Variants in WRN observed in about 807,000 individuals in gnomAD.
WRN encodes the protein bifunctional 3'-5' exonuclease/ATP-dependent helicase WRN.
In WRN, 149 loss-of-function variants were observed where a neutral mutation model predicts 180.7. The observed-to-expected ratio is 0.82, with a 90% confidence interval of 0.72 to 0.94. WRN has a LOEUF of 0.94. Ranked by LOEUF, WRN falls within the 40% of genes least tolerant of loss-of-function variation. The pLI is 0.00. For missense variants in WRN, 1,661 were observed against 1,700.1 expected, an observed-to-expected ratio of 0.98 and a Z score of 0.40; for synonymous variants, 548 against 568.9, an observed-to-expected ratio of 0.96 and a Z score of 0.52.
intron 17 of WRN, among the ~76,000 whole-genome samples, chr8:31,097,770 C>T (rs1814051344): frequency 6.6e-6 from 1 of 151,880 alleles, no homozygotes; most frequent in Non-Finnish European, 1.5e-5. Flanking sequence ...CAGAGCGAGA[C>T]CATGCCTCAA....
rs570183509 is a variant in WRN at position 31,047,227 on chromosome 8, C to T, written c.-76-11145C>T. On this transcript the variant is annotated intron_variant, in intron 1 of 34. Coordinates refer to ENST00000298139, the MANE Select transcript of WRN (RefSeq NM_000553.6). ...GCAAGATCGTGGCTCACTGCAACCT[C>T]GAATCCCTGGGCTCAAGCGATCCTC... 2.2e-3 allele frequency among the ~76,000 whole-genome samples: 328 copies of T among 151,108 alleles called. 1 individual carries two copies. Among genetic ancestry groups the T allele is most frequent in the African/African-American group, 7.7e-3 (316 of 41,060 alleles).
chr8:31,036,777 T>A (rs1224148724), intron 1 of WRN, among the ~76,000 whole-genome samples: 1 of 152,232 alleles, frequency 6.6e-6, no homozygotes, highest in Admixed American at 6.5e-5. Context: ...ATTAGATGTA[T>A]AGTTTGCAAA....
chr8:31,040,766 G>C (rs772760238), intron 1 of WRN, among the ~76,000 whole-genome samples: 6 of 152,190 alleles, frequency 3.9e-5, no homozygotes, highest in East Asian at 3.8e-4. Flanking sequence ...TGACTCGTTT[G>C]AGTAGTTTTC....
Position 31,096,779 on chromosome 8 carries a change from G to A in WRN, c.1910G>A (p.Arg637Gln), listed in dbSNP as rs1287408422. 12 of 1,608,048 alleles carry A rather than the reference G, an allele frequency of 7.5e-6. No homozygotes were observed. The Admixed American group carries it at 1.3e-4, about 18-fold the overall frequency. The change falls in exon 17 of 35, where the codon CGG becomes CAG. Residue 637 changes from arginine to glutamine, a missense_variant. Coordinates refer to ENST00000298139, the MANE Select transcript of WRN (RefSeq NM_000553.6). ...VLTDIKLGKY[R>Q]IVYVTPEYCS... Reference sequence around the variant, plus strand: ...GTTTGTTTTTACAGAGGTAAATACCGGATTGTATACGTAACTCCAGAATAC... The same window carrying A: ...GTTTGTTTTTACAGAGGTAAATACCAGATTGTATACGTAACTCCAGAATAC...
chr8:31,094,627 G>A (rs577723225), intron 16 of WRN, among the ~76,000 whole-genome samples: 31 of 152,208 alleles, frequency 2.0e-4, no homozygotes, highest in African/African-American at 7.5e-4. Flanking sequence ...GATTACAGGC[G>A]TGAGCCACTC....
chr8:31,049,227 A>G (rs1811992497), intron 1 of WRN, among the ~76,000 whole-genome samples: 1 of 149,972 alleles, frequency 6.7e-6, no homozygotes, highest in South Asian at 2.1e-4. Flanking sequence ...AAAAAAAAAA[A>G]AAAAAAAAAA....
chr8:31,152,051 A>G (rs1391817914), intron 31 of WRN, among the ~76,000 whole-genome samples: 2 of 152,170 alleles, frequency 1.3e-5, no homozygotes, highest in Non-Finnish European at 2.9e-5. Flanking sequence ...GAGAATTTTG[A>G]GAATTTCTGG....
Position 31,114,697 on chromosome 8 carries a change from TTTG to T in WRN, c.2274-1648_2274-1646del, listed in dbSNP as rs746800581. 9.2e-5 allele frequency among the ~76,000 whole-genome samples: 14 copies of T among 152,262 alleles called. No individual in the cohort carries two copies. In the East Asian group the frequency reaches 2.1e-3, roughly 23 times the overall value. On this transcript the variant is annotated intron_variant, in intron 19 of 34. Coordinates refer to ENST00000298139, the MANE Select transcript of WRN (RefSeq NM_000553.6). ...CTGTGCAGATATATAGTTGCAGTTT[TTTG>T]TTGTTGTTAAGTTGATACAGAAATA...
At chr8:31,053,672 G>C (rs893496303) in intron 1 of WRN, among the ~76,000 whole-genome samples, 6 of 152,222 alleles carry the variant, frequency 3.9e-5, no homozygotes, top group Non-Finnish European at 7.3e-5. Flanking sequence ...AAAATGCAGT[G>C]ATCATGTGGA....
intron 23 of WRN, chr8:31,131,571 A>G (rs1378555004): frequency 6.6e-6 from 1 of 152,542 alleles, no homozygotes; most frequent in Non-Finnish European, 1.5e-5. Context: ...GGAACACATC[A>G]GTTTTGTCTT....
chr8:31,166,957 C>A, intron 33 of WRN, 65 bp from the exon 34 acceptor site: 3 of 1,460,206 alleles, frequency 2.1e-6, no homozygotes, highest in Non-Finnish European at 1.9e-6. Context: ...GTATTTCTAG[C>A]TCATAGGTTT....
intron 8 of WRN, 32 bp downstream of exon 8, chr8:31,076,319 A>T (rs1004547586): frequency 1.3e-6 from 2 of 1,516,034 alleles, no homozygotes; most frequent in Non-Finnish European, 1.8e-6. Flanking sequence ...TTTTAACTTA[A>T]ATCAATTCTG....
At chr8:31,132,680 C>T (rs1802231733) in intron 24 of WRN, among the ~76,000 whole-genome samples, 174 bp downstream of exon 24, 3 of 152,148 alleles carry the variant, frequency 2.0e-5, no homozygotes, top group Non-Finnish European at 2.9e-5. Context: ...GGATAAAACC[C>T]GTGTGTATGG....
chr8:31,142,497 C>A, intron 26 of WRN, 129 bp from the exon 27 acceptor site: 1 of 654,946 alleles, frequency 1.5e-6, no homozygotes, highest in Non-Finnish European at 2.3e-6. Context: ...AAAAAAAAAT[C>A]AGTTTTAAGA....
At position 31,132,383 on chromosome 8, in the gene WRN, C is replaced by T. The variant is rs151267769; in HGVS notation, c.2844C>T (p.Ser948=). The change falls in exon 24 of 35, where the codon TCC becomes TCT. Residue 948 remains serine (S), a synonymous_variant. Transcript: ENST00000298139. ...NCRSRLDHCY[S]MDDSEDTSWD... is the part of the protein sequence containing the mutation. ...TATTTAGATTGGATCATTGCTATTCCATGGATGACTCAGAGGATACATCCT... is the reference window on the plus strand; with the variant it reads ...TATTTAGATTGGATCATTGCTATTCTATGGATGACTCAGAGGATACATCCT... The T allele has an allele frequency of 6.2e-7, 1 of 1,614,024 alleles. No homozygotes were observed. Among genetic ancestry groups the T allele is most frequent in the East Asian group, 2.2e-5 (1 of 44,852 alleles).
rs1479174063 is a variant in WRN, at chr8:31,175,059, A to T, written c.*1957A>T. ...TTAACAAATGTGAGTTTTTGATATT[A>T]TATAAAGATTTTTTCTGTGTTTCGA... On this transcript the variant is annotated 3_prime_UTR_variant, in exon 35 of 35. Coordinates refer to ENST00000298139, the MANE Select transcript of WRN (RefSeq NM_000553.6). 6.6e-6 allele frequency among the ~76,000 whole-genome samples: 1 copy of T among 151,934 alleles called. No individual in the cohort carries two copies. The highest frequency in any genetic ancestry group is 1.5e-5 in the Non-Finnish European group (1 of 67,990).
intron 8 of WRN, among the ~76,000 whole-genome samples, 196 bp from the exon 9 acceptor site, chr8:31,080,671 A>G (rs1394867654): frequency 2.0e-5 from 3 of 152,152 alleles, no homozygotes; most frequent in East Asian, 3.8e-4. Flanking sequence ...TTGGTGCAGA[A>G]GTGCCTTGAT....
intron 1 of WRN, among the ~76,000 whole-genome samples, chr8:31,048,307 G>A (rs906764099): frequency 2.0e-5 from 3 of 152,152 alleles, no homozygotes; most frequent in Non-Finnish European, 2.9e-5. Context: ...AGTCTTGAAA[G>A]CTTCTTTAAT....
At chr8:31,120,541 TAAA>T (rs368026803) in intron 21 of WRN, 117 bp downstream of exon 21, 2,932 of 684,294 alleles carry the variant, frequency 4.3e-3, no homozygotes, top group Middle Eastern at 6.1e-3. Flanking sequence ...GCATTTAAAG[TAAA>T]AAAAAAAAAA....
Sources: allele counts gnomAD v4.1 joint callset (sites outside exome capture counted in the v4.1 genomes callset), GRCh38; gene constraint gnomAD v4.1.1; transcripts MANE v1.5; gene names NCBI Gene and HGNC (gene_info 2026-07-23, HGNC 2026-07-21).